The following ZNF383 variants were observed in gnomAD, a reference collection of about 807,000 sequenced individuals.
The protein encoded by ZNF383 is zinc finger protein 383.
Under a neutral mutation model 44.2 loss-of-function variants are expected in ZNF383, and 32 were observed. The observed-to-expected ratio is 0.72, with a 90% CI of 0.55 to 0.97. ZNF383 has a LOEUF of 0.97. Ranked by LOEUF, ZNF383 falls within the 50% of genes least tolerant of loss-of-function variation. The pLI is 0.00. For missense variants in ZNF383, 487 were observed against 562.5 expected (o/e 0.87, Z 1.36); for synonymous variants, 155 against 186.2 (o/e 0.83, Z 1.36).
chr19:37,230,305 T>A, intron 2 of ZNF383, 104 bp from the exon 3 acceptor site: 1 of 729,014 alleles, frequency 1.4e-6, no homozygotes, highest in Non-Finnish European at 2.3e-6. Flanking sequence ...GAGTTGTATC[T>A]CAAGACCAAG....
In ZNF383 at chr19:37,243,428, G is replaced by C. The variant is rs769217427; in HGVS notation, c.1192G>C (p.Glu398Gln). 2 of 1,614,166 alleles carry C rather than the reference G, an allele frequency of 1.2e-6. No individual in the cohort carries two copies. The highest frequency in any genetic ancestry group is 2.2e-5 in the South Asian group (2 of 91,078). Reference sequence around the variant, plus strand: ...TGGTGAGAAACCCTTTGAATGTCTTGAATGTGGGAAGGCCTTTACTCAGAA... The same window carrying C: ...TGGTGAGAAACCCTTTGAATGTCTTCAATGTGGGAAGGCCTTTACTCAGAA... ...HAGEKPFECLECGKAFTQNSQ... is the reference protein window; with the variant it reads ...HAGEKPFECLQCGKAFTQNSQ... The change falls in exon 6 of 6, where the codon GAA becomes CAA. Residue 398 changes from glutamate (E) to glutamine (Q), a missense_variant. Physicochemically the swap from Glu to Gln is conservative, Grantham distance 29. Transcript: ENST00000684119.
rs896240088 is a variant in ZNF383 at position 37,245,754 on chromosome 19, T to C, written c.*2090T>C. On this transcript the variant is annotated 3_prime_UTR_variant, in exon 6 of 6. Coordinates refer to ENST00000684119, the MANE Select transcript of ZNF383 (RefSeq NM_001387601.1). ...TCCCAAAGTTCGGGGATTACAGGTGTGAGCCACTGTGCCCGGTCAATTATT... is the reference window on the plus strand; with the variant it reads ...TCCCAAAGTTCGGGGATTACAGGTGCGAGCCACTGTGCCCGGTCAATTATT... 1 of 152,010 alleles carries C rather than the reference T, an allele frequency of 6.6e-6. No homozygotes were observed. Among genetic ancestry groups the C allele is most frequent in the Admixed American group, 6.6e-5 (1 of 15,224 alleles). 9.4% of individuals were successfully genotyped at this position (152,010 alleles called of 1,614,324 possible).
rs1974259518 is a variant in ZNF383, at chr19:37,243,813, A to G, written c.*149A>G. On this transcript the variant is annotated 3_prime_UTR_variant, in exon 6 of 6. Coordinates refer to ENST00000684119, the MANE Select transcript of ZNF383 (RefSeq NM_001387601.1). ...TCCAGGTTATAAATTCGGAGTCTAA[A>G]GTGACATTCCCTCTCTCCCCCAGTC... The G allele has an allele frequency of 1.8e-6, 1 of 549,168 alleles. No individual in the cohort carries two copies. The highest frequency in any genetic ancestry group is 2.9e-5 in the East Asian group (1 of 34,392). 34.0% of individuals were successfully genotyped at this position (549,168 alleles called of 1,614,324 possible).
intron 2 of ZNF383, among the ~76,000 whole-genome samples, chr19:37,225,440 A>T (rs944665115): frequency 6.6e-6 from 1 of 152,162 alleles, no homozygotes; most frequent in Admixed American, 6.6e-5. Flanking sequence ...TTCATATTGT[A>T]CAATAGATCT....
chr19:37,224,444 A>G (rs1973063214), intron 1 of ZNF383, among the ~76,000 whole-genome samples: 1 of 152,222 alleles, frequency 6.6e-6, no homozygotes, highest in African/African-American at 2.4e-5. Flanking sequence ...AGTGTTTGGT[A>G]CCTGGGACTT....
chr19:37,246,988 T>G lies in ZNF383; in HGVS notation c.*3324T>G, dbSNP rs948462518. The G allele has an allele frequency of 1.3e-5, 2 of 152,236 alleles. No homozygotes were observed. Among genetic ancestry groups the G allele is most frequent in the African/African-American group, 2.4e-5 (1 of 41,458 alleles). The allele number at this position is 152,236 out of a possible 1,614,324, so 9.4% of individuals were successfully genotyped here. On this transcript the variant is annotated 3_prime_UTR_variant, in exon 6 of 6. Coordinates refer to ENST00000684119, the MANE Select transcript of ZNF383 (RefSeq NM_001387601.1). ...GGATAACCATCAAATATCTGATTAT[T>G]AATTCAATATTCCCTCTTAATTAAC...
intron 5 of ZNF383, among the ~76,000 whole-genome samples, chr19:37,240,325 A>G (rs1434265679): frequency 2.0e-5 from 3 of 152,216 alleles, no homozygotes; most frequent in Admixed American, 6.5e-5. Flanking sequence ...AAATTGTTTC[A>G]TAATACCTGA....
chr19:37,221,283 GTA>G (rs990454991), intron 1 of ZNF383, among the ~76,000 whole-genome samples: 10 of 152,200 alleles, frequency 6.6e-5, no homozygotes, highest in African/African-American at 2.4e-4. Context: ...TGTTTTAAAA[GTA>G]TAACATACAT....
At chr19:37,235,818 G>A (rs1973762918) in intron 4 of ZNF383, 143 bp downstream of exon 4, 1 of 1,310,538 alleles carries the variant, frequency 7.6e-7, no homozygotes, top group East Asian at 2.4e-5. Flanking sequence ...GAAATGAAAA[G>A]GAAGAGTGGG....
chr19:37,231,980 CATT>C (rs1973508395), intron 3 of ZNF383, among the ~76,000 whole-genome samples: 1 of 152,050 alleles, frequency 6.6e-6, no homozygotes, highest in Non-Finnish European at 1.5e-5. Context: ...ATTTGATAAA[CATT>C]AACTATTTTT....
At chr19:37,236,775 G>A (rs1276157303) in intron 5 of ZNF383, among the ~76,000 whole-genome samples, 2 of 151,638 alleles carry the variant, frequency 1.3e-5, no homozygotes, top group Admixed American at 1.3e-4. Context: ...TCACCATATT[G>A]GCCAGGCTGT....
At chr19:37,234,612 G>A (rs320878) in intron 3 of ZNF383, among the ~76,000 whole-genome samples, 26,860 of 151,686 alleles carry the variant, frequency 0.18, 2,470 homozygotes, top group South Asian at 0.25. Context: ...GGATGGTCTC[G>A]ATCTCCTGAC....
At chr19:37,223,285 C>T (rs1401019429) in intron 1 of ZNF383, among the ~76,000 whole-genome samples, 2 of 152,108 alleles carry the variant, frequency 1.3e-5, no homozygotes, top group East Asian at 3.9e-4. Context: ...GACATTTATC[C>T]AAATTGATCA....
At chr19:37,236,627 G>T (rs1379309989) in intron 5 of ZNF383, among the ~76,000 whole-genome samples, 1 of 150,714 alleles carries the variant, frequency 6.6e-6, no homozygotes, top group Admixed American at 6.6e-5. Flanking sequence ...CTGGAGTGCA[G>T]GGTGCGATCT....
intron 5 of ZNF383, among the ~76,000 whole-genome samples, chr19:37,236,563 C>T (rs192358699): frequency 6.7e-6 from 1 of 150,128 alleles, no homozygotes; most frequent in Non-Finnish European, 1.5e-5. Flanking sequence ...AATTCTTTTT[C>T]TTCTTCTGCA....
rs1424241388 is a variant in ZNF383 at position 37,244,592 on chromosome 19, T to C, written c.*928T>C. 1 of 152,204 alleles carries C rather than the reference T, an allele frequency of 6.6e-6. No homozygotes were observed. Among genetic ancestry groups the C allele is most frequent in the Non-Finnish European group, 1.5e-5 (1 of 68,092 alleles). The allele number at this position is 152,204 out of a possible 1,614,324, so 9.4% of individuals were successfully genotyped here. On this transcript the variant is annotated 3_prime_UTR_variant, in exon 6 of 6. Coordinates refer to ENST00000684119, the MANE Select transcript of ZNF383 (RefSeq NM_001387601.1). ...CGGGGTTTCACCATGTTAGCCAGGATGGTCTCAATCTCCCGACTTCAGGTG... is the reference window on the plus strand; with the variant it reads ...CGGGGTTTCACCATGTTAGCCAGGACGGTCTCAATCTCCCGACTTCAGGTG...
chr19:37,229,702 A>G (rs892965768), intron 2 of ZNF383, among the ~76,000 whole-genome samples: 2 of 144,820 alleles, frequency 1.4e-5, no homozygotes, highest in African/African-American at 5.1e-5. Flanking sequence ...ATATATGTAT[A>G]TATATATGTG....
At chr19:37,232,914 C>G (rs999818648) in intron 3 of ZNF383, among the ~76,000 whole-genome samples, 3 of 151,972 alleles carry the variant, frequency 2.0e-5, no homozygotes, top group African/African-American at 7.3e-5. Flanking sequence ...TCCTAGTGAA[C>G]ACGTATTATT....
chr19:37,218,910 G>T (rs1271501090), intron 1 of ZNF383, among the ~76,000 whole-genome samples: 1 of 152,100 alleles, frequency 6.6e-6, no homozygotes, highest in Non-Finnish European at 1.5e-5. Flanking sequence ...CTGTAACTTT[G>T]TGTGGCTCAG....
Sources: allele counts gnomAD v4.1 joint callset (sites outside exome capture counted in the v4.1 genomes callset), GRCh38; gene constraint gnomAD v4.1.1; transcripts MANE v1.5; gene names NCBI Gene and HGNC (gene_info 2026-07-23, HGNC 2026-07-21).